The following PDE10A variants were observed in gnomAD, a reference collection of about 807,000 sequenced individuals.
PDE10A encodes the protein cAMP and cAMP-inhibited cGMP 3',5'-cyclic phosphodiesterase 10A.
A neutral mutation model predicts 97.7 loss-of-function variants in PDE10A; 39 were observed. That is an observed-to-expected ratio of 0.40 (90% CI 0.31 to 0.52). The LOEUF is 0.52. PDE10A is among the 20% of genes least tolerant of loss of function. The probability of loss-of-function intolerance (pLI) is 0.56; values close to 1 mark genes in which losing one functional copy is unlikely to be tolerated. For synonymous variants in PDE10A, 371 were observed against 376.8 expected (o/e 0.98, Z 0.18); for missense variants, 731 against 1,047.8 (o/e 0.70, Z 4.17).
intron 3 of PDE10A, among the ~76,000 whole-genome samples, chr6:165,460,036 C>T (rs919106661): frequency 1.3e-5 from 2 of 152,198 alleles, no homozygotes; most frequent in African/African-American, 2.4e-5. Flanking sequence ...ATGAGGGACC[C>T]GTCCCGGGCC....
At chr6:165,379,692 T>C (rs1784820879) in intron 17 of PDE10A, among the ~76,000 whole-genome samples, 1 of 152,142 alleles carries the variant, frequency 6.6e-6, no homozygotes, top group Non-Finnish European at 1.5e-5. Flanking sequence ...AACTTGAAAA[T>C]GTAAAATATT....
intron 1 of PDE10A, among the ~76,000 whole-genome samples, chr6:165,846,477 G>A (rs187324533): frequency 6.6e-6 from 1 of 152,358 alleles, no homozygotes; most frequent in East Asian, 1.9e-4. Flanking sequence ...AGGCCGGCGT[G>A]AGCCTCAGGC....
At chr6:165,794,020 TAGCA>T (rs748887485) in intron 1 of PDE10A, among the ~76,000 whole-genome samples, 11 of 152,076 alleles carry the variant, frequency 7.2e-5, no homozygotes, top group Non-Finnish European at 1.3e-4. Flanking sequence ...TCAAAGCTAG[TAGCA>T]AGCAAAGAGA....
chr6:165,456,414 G>C (rs1006818648), intron 3 of PDE10A, among the ~76,000 whole-genome samples: 1 of 152,122 alleles, frequency 6.6e-6, no homozygotes, highest in Non-Finnish European at 1.5e-5. Context: ...AGTCATTCAG[G>C]CTCCACACAA....
At chr6:165,611,978 C>T (rs549056553) in intron 1 of PDE10A, among the ~76,000 whole-genome samples, 1 of 152,312 alleles carries the variant, frequency 6.6e-6, no homozygotes, top group South Asian at 2.1e-4. Context: ...CTTCATACAT[C>T]CTCATCTCCC....
intron 1 of PDE10A, among the ~76,000 whole-genome samples, chr6:165,969,786 C>T (rs1784616524): frequency 6.6e-6 from 1 of 152,082 alleles, no homozygotes; most frequent in South Asian, 2.1e-4. Flanking sequence ...ATTTAAGCTT[C>T]AAAGTAAATT....
Position 165,662,857 on chromosome 6 carries a change from C to G in PDE10A, c.-46G>C, listed in dbSNP as rs1790360731. ...AGGGGCAGGCCGCGGGCGGGAGGGG[C>G]GCGGCGGGCCGGGGCTCGGTGGGCT... On this transcript the variant is annotated 5_prime_UTR_variant, in exon 1 of 22. Coordinates refer to ENST00000539869, the MANE Select transcript of PDE10A (RefSeq NM_001385079.1). Among the ~76,000 whole-genome samples, 1 of 149,974 alleles carries G rather than the reference C, an allele frequency of 6.7e-6. No homozygotes were observed. Among genetic ancestry groups the G allele is most frequent in the African/African-American group, 2.4e-5 (1 of 41,026 alleles).
At chr6:165,941,249 A>T (rs2128492619) in intron 1 of PDE10A, among the ~76,000 whole-genome samples, 1 of 152,206 alleles carries the variant, frequency 6.6e-6, no homozygotes, top group Middle Eastern at 3.4e-3. Flanking sequence ...TGGTTGGCAG[A>T]TGGGAGTGCT....
chr6:165,616,293 G>A (rs1190330188), intron 1 of PDE10A, among the ~76,000 whole-genome samples: 2 of 152,120 alleles, frequency 1.3e-5, no homozygotes, highest in East Asian at 3.9e-4. Context: ...TGTGAGAAAG[G>A]GAGGAAACTT....
At chr6:165,398,515 G>A (rs1459945314) in intron 13 of PDE10A, among the ~76,000 whole-genome samples, 1 of 150,958 alleles carries the variant, frequency 6.6e-6, no homozygotes, top group Non-Finnish European at 1.5e-5. Flanking sequence ...AAAAAAAAAG[G>A]TTGTATTGGC....
chr6:165,848,772 G>T (rs983732696), intron 1 of PDE10A, among the ~76,000 whole-genome samples: 1 of 152,146 alleles, frequency 6.6e-6, no homozygotes, highest in Non-Finnish European at 1.5e-5. Context: ...GGGAATCAAG[G>T]TTGGTTAATC....
rs771677197 is a variant in PDE10A at position 165,416,119 on chromosome 6, G to A, written c.1889+70C>T. The stretch of plus-strand genomic sequence containing the variant: ...GGGACGTGGAGAACTCAGGCTCCAC[G>A]GAAGAGGTTTCAGCTGAGTGGGACA... On this transcript the variant is annotated intron_variant, in intron 12 of 21. Coordinates refer to ENST00000539869, the MANE Select transcript of PDE10A (RefSeq NM_001385079.1). The A allele has an allele frequency of 4.3e-5, 43 of 1,001,522 alleles. No individual in the cohort carries two copies. The East Asian group carries it at 6.9e-4, about 16-fold the overall frequency. The allele number at this position is 1,001,522 out of a possible 1,614,324, so 62.0% of individuals were successfully genotyped here. A position where few individuals can be genotyped will look rare whatever the true frequency, so the allele number is the denominator to read the frequency against.
At chr6:165,408,386 T>C (rs945317974) in intron 13 of PDE10A, among the ~76,000 whole-genome samples, 1 of 152,154 alleles carries the variant, frequency 6.6e-6, no homozygotes, top group Admixed American at 6.5e-5. Context: ...AATTTTCATA[T>C]GATGCTTGGG....
intron 1 of PDE10A, among the ~76,000 whole-genome samples, chr6:165,548,273 TCTC>T (rs374735012): frequency 4.3e-5 from 6 of 138,848 alleles, no homozygotes; most frequent in South Asian, 2.3e-4. Context: ...AGGCTTTAAA[TCTC>T]TTTTTTTTTT....
chr6:165,522,766 G>A (rs575935196), intron 2 of PDE10A, among the ~76,000 whole-genome samples: 40 of 152,168 alleles, frequency 2.6e-4, no homozygotes, highest in African/African-American at 9.6e-4. Flanking sequence ...ACTGGATGAT[G>A]TAACCAGAGC....
rs139009842 is a variant in PDE10A, at chr6:165,615,380, T to C, written c.865+46567A>G. Among the ~76,000 whole-genome samples, 25 of 152,282 alleles carry C rather than the reference T, an allele frequency of 1.6e-4. 1 individual carries two copies. The East Asian group carries it at 4.2e-3, about 26-fold the overall frequency. On this transcript the variant is annotated intron_variant, in intron 1 of 21. Coordinates refer to ENST00000539869, the MANE Select transcript of PDE10A (RefSeq NM_001385079.1). ...AATGTCGGTTTTCTAGAAACACATT[T>C]TATTCAGATACTCTCAACAAACTCT...
At chr6:165,754,706 G>A (rs2128456635) in intron 1 of PDE10A, among the ~76,000 whole-genome samples, 1 of 152,122 alleles carries the variant, frequency 6.6e-6, no homozygotes, top group East Asian at 1.9e-4. Flanking sequence ...TGTGAATTTG[G>A]GAAAGTCACT....
At chr6:165,940,463 C>T (rs187666144) in intron 1 of PDE10A, 9 of 152,402 alleles carry the variant, frequency 5.9e-5, no homozygotes, top group Admixed American at 1.3e-4. Context: ...CTGGAAACAA[C>T]ACGCCCTCTC....
At position 165,622,822 on chromosome 6, in the gene PDE10A, A is replaced by C. The variant is rs535034454; in HGVS notation, c.865+39125T>G. 2.9e-3 allele frequency among the ~76,000 whole-genome samples: 437 copies of C among 152,246 alleles called. 2 individuals carry two copies. Among genetic ancestry groups the C allele is most frequent in the Non-Finnish European group, 5.2e-3 (355 of 68,008 alleles). Reference sequence around the variant, plus strand: ...GACAGAGTTTGGAAATCTCATGCTGAATTGTAATCCCCAATGCTGGAGGTG... The same window carrying C: ...GACAGAGTTTGGAAATCTCATGCTGCATTGTAATCCCCAATGCTGGAGGTG... On this transcript the variant is annotated intron_variant, in intron 1 of 21. Coordinates refer to ENST00000539869, the MANE Select transcript of PDE10A (RefSeq NM_001385079.1).
Sources: allele counts gnomAD v4.1 joint callset (sites outside exome capture counted in the v4.1 genomes callset), GRCh38; gene constraint gnomAD v4.1.1; transcripts MANE v1.5; gene names NCBI Gene and HGNC (gene_info 2026-07-23, HGNC 2026-07-21).